Variants in COG6 observed in about 807,000 individuals in gnomAD.
COG6 encodes conserved oligomeric Golgi complex subunit 6.
A neutral mutation model predicts 88.8 loss-of-function variants in COG6; 74 were observed. That is an observed-to-expected ratio of 0.83 (90% CI 0.69 to 1.01). The LOEUF (loss-of-function observed/expected upper bound fraction) is 1.01. COG6 is among the 50% of genes least tolerant of loss of function. COG6 has a pLI of 0.00. For synonymous variants in COG6, 286 were observed against 278.7 expected (o/e 1.03, Z -0.26); for missense variants, 800 against 797.9 (o/e 1.00, Z -0.03).
chr13:39,714,423 G>A (rs569592744), intron 13 of COG6, among the ~76,000 whole-genome samples: 15 of 151,494 alleles, frequency 9.9e-5, no homozygotes, highest in African/African-American at 3.4e-4. Flanking sequence ...AAACAAATCA[G>A]CAAGAAAAAA....
chr13:39,686,169 A>G lies in COG6; in HGVS notation c.789-1334A>G, dbSNP rs530937458. Among the ~76,000 whole-genome samples the G allele has an allele frequency of 7.2e-5, 11 of 152,308 alleles. No individual in the cohort carries two copies. The South Asian group carries it at 1.9e-3, about 26-fold the overall frequency. The stretch of plus-strand genomic sequence containing the variant: ...AAGTTTTGGTAATTTTTGTTTATAT[A>G]TAGGTTATTGACATAATTCTTAAAA... On this transcript the variant is annotated intron_variant, in intron 8 of 18. Coordinates refer to ENST00000455146, the MANE Select transcript of COG6 (RefSeq NM_020751.3).
intron 18 of COG6, 24 bp from the exon 19 acceptor site, chr13:39,750,922 T>C (rs1011540122): frequency 1.9e-6 from 3 of 1,596,310 alleles, no homozygotes; most frequent in Non-Finnish European, 2.6e-6. Context: ...ATGATGTGTT[T>C]ACATTTTGTT....
chr13:39,713,405 A>G (rs994102367), intron 13 of COG6, among the ~76,000 whole-genome samples: 4 of 152,164 alleles, frequency 2.6e-5, no homozygotes, highest in African/African-American at 9.7e-5. Flanking sequence ...GGTTAGTATA[A>G]AGTAAGTGCA....
exon 19 of COG6, chr13:39,788,525 G>A (rs1881844904): frequency 1.6e-6 from 1 of 633,228 alleles, no homozygotes; most frequent in Non-Finnish European, 2.8e-6. Flanking sequence ...AATGCTGTGA[G>A]GGATGAACCA....
Position 39,729,396 on chromosome 13 carries a change from G to A in COG6, c.1826+1848G>A, listed in dbSNP as rs551396749. On this transcript the variant is annotated intron_variant, in intron 18 of 18. Transcript: ENST00000455146. ...CTGCTGTAAAGGAAACAGATGGACAGATTTGGCTCTGTAACATTTTAAGGT... is the reference window on the plus strand; with the variant it reads ...CTGCTGTAAAGGAAACAGATGGACAAATTTGGCTCTGTAACATTTTAAGGT... 5.3e-5 allele frequency among the ~76,000 whole-genome samples: 8 copies of A among 152,326 alleles called. No individual in the cohort carries two copies. The South Asian group carries it at 6.2e-4, about 12-fold the overall frequency.
intron 13 of COG6, among the ~76,000 whole-genome samples, chr13:39,708,399 A>G (rs962234978): frequency 1.3e-5 from 2 of 152,192 alleles, no homozygotes; most frequent in African/African-American, 4.8e-5. Flanking sequence ...AGTCTTGTAT[A>G]ACAAGCTTTT....
chr13:39,692,730 T>C (rs1396972214), intron 11 of COG6, among the ~76,000 whole-genome samples: 3 of 152,046 alleles, frequency 2.0e-5, no homozygotes, highest in African/African-American at 4.8e-5. Flanking sequence ...TTCCCTACCT[T>C]CTCTGCTGTC....
chr13:39,710,052 C>G (rs1274757364), intron 13 of COG6, among the ~76,000 whole-genome samples: 1 of 152,034 alleles, frequency 6.6e-6, no homozygotes, highest in Non-Finnish European at 1.5e-5. Context: ...AAAAAGCTTT[C>G]TGAGGCTTTG....
At chr13:39,719,208 G>A (rs1449805772) in intron 13 of COG6, 28 bp from the exon 14 acceptor site, 2 of 1,608,926 alleles carry the variant, frequency 1.2e-6, no homozygotes, top group Admixed American at 1.7e-5. Context: ...AAAAATATAA[G>A]GAGTGGGTAA....
In COG6 at chr13:39,687,427, C is replaced by T. The variant is rs1415093471; in HGVS notation, c.789-76C>T. Reference sequence around the variant, plus strand: ...GTGCTTTTTAAGTACTTGGTTGTCTCAGAAATTGCGTGAATAGTCTGATAT... The same window carrying T: ...GTGCTTTTTAAGTACTTGGTTGTCTTAGAAATTGCGTGAATAGTCTGATAT... On this transcript the variant is annotated intron_variant, in intron 8 of 18. Transcript: ENST00000455146. 46 of 1,359,178 alleles carry T rather than the reference C, an allele frequency of 3.4e-5. No homozygotes were observed. The East Asian group carries it at 9.6e-4, about 28-fold the overall frequency. The allele number at this position is 1,359,178 out of a possible 1,614,324, so 84.2% of individuals were successfully genotyped here. A position where few individuals can be genotyped will look rare whatever the true frequency, so the allele number is the denominator to read the frequency against.
chr13:39,657,187 A>C (rs1191927266), intron 1 of COG6, among the ~76,000 whole-genome samples: 1 of 152,046 alleles, frequency 6.6e-6, no homozygotes, highest in Non-Finnish European at 1.5e-5. Flanking sequence ...ATGTGCCACC[A>C]CGCCTGGCTA....
chr13:39,724,483 C>CTTT (rs58666375), intron 16 of COG6, 25 bp from the exon 17 acceptor site: 32 of 1,283,452 alleles, frequency 2.5e-5, no homozygotes, highest in South Asian at 6.8e-5. Context: ...CTTGGATCTG[C>CTTT]TTTTTTTTTT....
At position 39,765,044 on chromosome 13, in the gene COG6, C is replaced by A. The variant is rs552354736; in HGVS notation, c.1827-23291C>A. Reference sequence around the variant, plus strand: ...TACGCTATTTCTAGATATATAAATTCTATCTATTATGATTTCTTCTTTGAA... The same window carrying A: ...TACGCTATTTCTAGATATATAAATTATATCTATTATGATTTCTTCTTTGAA... On this transcript the variant is annotated intron_variant, in intron 18 of 18. Transcript: ENST00000416691. 2.0e-5 allele frequency among the ~76,000 whole-genome samples: 3 copies of A among 152,158 alleles called. No homozygotes were observed. In the East Asian group the frequency reaches 5.8e-4, roughly 29 times the overall value.
chr13:39,723,137 G>C (rs1010434682), intron 15 of COG6, among the ~76,000 whole-genome samples, 196 bp from the exon 16 acceptor site: 8 of 152,044 alleles, frequency 5.3e-5, no homozygotes, highest in African/African-American at 1.9e-4. Flanking sequence ...GATAGTCCTA[G>C]AATCCTCCTT....
chr13:39,682,099 C>A (rs1876346370), intron 7 of COG6, 72 bp from the exon 8 acceptor site: 3 of 1,061,120 alleles, frequency 2.8e-6, no homozygotes, highest in East Asian at 4.9e-5. Context: ...AATTTAGACT[C>A]CTGGAATGCA....
At chr13:39,698,130 G>A (rs17529863) in intron 12 of COG6, among the ~76,000 whole-genome samples, 9,668 of 151,442 alleles carry the variant, frequency 0.064, 392 homozygotes, top group Non-Finnish European at 0.095. Flanking sequence ...ATAAACGTTA[G>A]TAAATTCTAG....
chr13:39,747,689 A>AT (rs1880415160), intron 18 of COG6, among the ~76,000 whole-genome samples: 1 of 152,018 alleles, frequency 6.6e-6, no homozygotes, highest in African/African-American at 2.4e-5. Context: ...GTACTGCTTT[A>AT]TTTTATCTAT....
At chr13:39,754,633 TA>T (rs1880774370), downstream of COG6, among the ~76,000 whole-genome samples, 1 of 152,232 alleles carries the variant, frequency 6.6e-6, no homozygotes, top group Non-Finnish European at 1.5e-5. Flanking sequence ...GGGCCTGGGC[TA>T]AAGTTAGAAC....
intron 18 of COG6, among the ~76,000 whole-genome samples, chr13:39,769,771 C>T (rs1469301214): frequency 6.6e-6 from 1 of 151,738 alleles, no homozygotes; most frequent in Admixed American, 6.6e-5. Flanking sequence ...TGGCTGGATC[C>T]CTCATGAAAG....
Sources: gnomAD v4.1 joint callset for allele counts (sites outside exome capture counted in the v4.1 genomes callset) on GRCh38, gnomAD v4.1.1 for gene constraint, MANE v1.5 for transcripts, NCBI Gene and HGNC (gene_info 2026-07-23, HGNC 2026-07-21) for gene names.